IPO8: variants seen among roughly 807,000 people sequenced by gnomAD.
The protein encoded by IPO8 is importin-8.
A neutral mutation model predicts 141.2 loss-of-function variants in IPO8; 65 were observed. That is an observed-to-expected ratio of 0.46 (90% CI 0.38 to 0.57). The LOEUF (loss-of-function observed/expected upper bound fraction) is 0.57, where lower values mean the gene tolerates loss of function less well. IPO8 is among the 20% of genes least tolerant of loss of function. The pLI is 0.00. For missense variants in IPO8, 980 were observed against 1,246.8 expected, an observed-to-expected ratio of 0.79 and a Z score of 3.22; for synonymous variants, 411 against 420.3, an observed-to-expected ratio of 0.98 and a Z score of 0.27.
At chr12:30,654,265 G>A (rs2052767020) in intron 17 of IPO8, among the ~76,000 whole-genome samples, 3 of 150,186 alleles carry the variant, frequency 2.0e-5, no homozygotes, top group East Asian at 3.9e-4. Flanking sequence ...AAAAAACACA[G>A]GGGAAAAGCT....
rs779338956 is a variant in IPO8 at position 30,663,403 on chromosome 12, C to T, written c.1594+86G>A. ...AAACCTCAGAATTCCAAACCCTGAA[C>T]CCTCAGACATGGAGATGCATCTTCA... On this transcript the variant is annotated intron_variant, in intron 14 of 24. Transcript: ENST00000256079. 1,155 of 1,164,080 alleles carry T rather than the reference C, an allele frequency of 9.9e-4. 6 individuals carry two copies. Among genetic ancestry groups the T allele is most frequent in the Middle Eastern group, 5.1e-3 (25 of 4,916 alleles). 72.1% of individuals were successfully genotyped at this position (1,164,080 alleles called of 1,614,324 possible).
At position 30,695,489 on chromosome 12, in the gene IPO8, C is replaced by T; in HGVS notation, c.84+75G>A. ...CGGTGGGGGTGAGGACGAGGGGCGC[C>T]GGGGAGAGGGAGCCCGGCCAGCCGG... On this transcript the variant is annotated intron_variant, in intron 1 of 24. Coordinates refer to ENST00000256079, the MANE Select transcript of IPO8 (RefSeq NM_006390.4). The surrounding 1 kb of genome is among the most constrained non-coding windows in gnomAD (Gnocchi z 4.2). 3.7e-6 allele frequency: 5 copies of T among 1,340,806 alleles called. No homozygotes were observed. Among genetic ancestry groups the T allele is most frequent in the South Asian group, 2.4e-5 (2 of 83,226 alleles). 83.1% of individuals were successfully genotyped at this position (1,340,806 alleles called of 1,614,324 possible). A position where few individuals can be genotyped will look rare whatever the true frequency, so the allele number is the denominator to read the frequency against.
At chr12:30,671,756 C>G (rs886532479) in intron 8 of IPO8, among the ~76,000 whole-genome samples, 1 of 146,908 alleles carries the variant, frequency 6.8e-6, no homozygotes, top group Admixed American at 6.8e-5. Flanking sequence ...CAACAAGAGA[C>G]AGCACAAAGA....
chr12:30,695,802 ACT>A lies in IPO8; in HGVS notation c.-157_-156del. 1 of 551,784 alleles carries A rather than the reference ACT, an allele frequency of 1.8e-6. No homozygotes were observed. 34.2% of individuals were successfully genotyped at this position (551,784 alleles called of 1,614,324 possible). Reference sequence around the variant, plus strand: ...GCCACCTGCGGCCACTTGCTGCGCCACTCTGACTCCGCGCCCCCTGTCCTCCC... The same window carrying A: ...GCCACCTGCGGCCACTTGCTGCGCCACTGACTCCGCGCCCCCTGTCCTCCC... On this transcript the variant is annotated 5_prime_UTR_variant, in exon 1 of 25. An upstream open reading frame in the 5' UTR loses its in-frame stop. Transcript: ENST00000256079. This position sits in a 1 kb window ranked among gnomAD's most constrained non-coding sequence, Gnocchi z 4.2.
At chr12:30,676,959 T>G (rs2053129216) in intron 5 of IPO8, 1 of 1,532,362 alleles carries the variant, frequency 6.5e-7, no homozygotes, top group Admixed American at 2.0e-5. Flanking sequence ...CATTAAACAC[T>G]CATGAAACAT....
At chr12:30,667,483 A>T (rs2052983343) in intron 10 of IPO8, among the ~76,000 whole-genome samples, 2 of 152,256 alleles carry the variant, frequency 1.3e-5, no homozygotes, top group South Asian at 4.1e-4. Flanking sequence ...CATTATTATT[A>T]ATCAGTCAAT....
Position 30,675,808 on chromosome 12 carries a change from C to CA in IPO8, c.729+689dup, listed in dbSNP as rs566018560. 2.4e-3 allele frequency among the ~76,000 whole-genome samples: 355 copies of CA among 147,150 alleles called. 2 individuals carry two copies. Among genetic ancestry groups the CA allele is most frequent in the African/African-American group, 7.9e-3 (313 of 39,612 alleles). On this transcript the variant is annotated intron_variant, in intron 6 of 24. Coordinates refer to ENST00000256079, the MANE Select transcript of IPO8 (RefSeq NM_006390.4). ...GCAGTGAGCCAAGATCATGCCACTG[C>CA]ACTCCAGCCTGGGTGACAGAAGGAG...
At position 30,653,011 on chromosome 12, in the gene IPO8, A is replaced by ATACC; in HGVS notation, c.2026_2029dup (p.Ile677ArgfsTer5). 6.2e-7 allele frequency: 1 copy of ATACC among 1,612,074 alleles called. No individual in the cohort carries two copies. On this transcript the variant is annotated frameshift_variant, in exon 18 of 25. Coordinates refer to ENST00000256079, the MANE Select transcript of IPO8 (RefSeq NM_006390.4). LOFTEE classifies it high-confidence loss of function. Reference sequence around the variant, plus strand: ...ATCCTGCTGAAACACTTCATATAGTATACCTAGAAGCTGCCACATTTGAGG... The same window carrying ATACC: ...ATCCTGCTGAAACACTTCATATAGTATACCTACCTAGAAGCTGCCACATTTGAGG...
chr12:30,659,864 A>C (rs12231670), intron 16 of IPO8, among the ~76,000 whole-genome samples: 1,483 of 146,720 alleles, frequency 0.01, 34 homozygotes, highest in East Asian at 0.082. Flanking sequence ...CAAAACAAAA[A>C]AAAAAAAAAC....
intron 5 of IPO8, chr12:30,677,118 T>C (rs2136166374): frequency 1.4e-6 from 2 of 1,481,372 alleles, no homozygotes; most frequent in Middle Eastern, 1.7e-4. Context: ...TGCTACATGC[T>C]ACAGACATAA....
intron 16 of IPO8, among the ~76,000 whole-genome samples, chr12:30,660,150 A>G (rs1025350679): frequency 1.3e-5 from 2 of 151,486 alleles, no homozygotes; most frequent in Non-Finnish European, 2.9e-5. Context: ...TTGAACCCGG[A>G]AGGTGGAGGT....
At chr12:30,681,940 G>T in intron 3 of IPO8, 123 bp from the exon 4 acceptor site, 2 of 712,124 alleles carry the variant, frequency 2.8e-6, no homozygotes, top group Non-Finnish European at 4.3e-6. Flanking sequence ...ACTTACATAT[G>T]TGGGGTAGGG....
intron 17 of IPO8, among the ~76,000 whole-genome samples, chr12:30,656,214 T>C (rs2052797913): frequency 6.6e-6 from 1 of 152,174 alleles, no homozygotes; most frequent in African/African-American, 2.4e-5. Flanking sequence ...TTTTTTTTAT[T>C]TTTTGTAGAG....
At chr12:30,649,077 A>G in intron 20 of IPO8, 60 bp downstream of exon 20, 1 of 1,054,990 alleles carries the variant, frequency 9.5e-7, no homozygotes, top group South Asian at 1.4e-5. Flanking sequence ...TGAAAAGTCA[A>G]GCAGGCATGT....
intron 10 of IPO8, 40 bp from the exon 11 acceptor site, chr12:30,666,291 T>C (rs2052964747): frequency 7.2e-7 from 1 of 1,395,302 alleles, no homozygotes; most frequent in Non-Finnish European, 9.9e-7. Flanking sequence ...AGTGAAAATA[T>C]AATTACTTAT....
At chr12:30,644,093 G>A (rs970801160) in intron 20 of IPO8, among the ~76,000 whole-genome samples, 1 of 152,204 alleles carries the variant, frequency 6.6e-6, no homozygotes, top group African/African-American at 2.4e-5. Context: ...GTTGGGGACA[G>A]GTGGTAGTTC....
intron 7 of IPO8, 87 bp downstream of exon 7, chr12:30,674,572 G>A: frequency 1.0e-6 from 1 of 957,952 alleles, no homozygotes; most frequent in South Asian, 1.3e-5. Context: ...AGTGACTCTT[G>A]GCTCTCGGTG....
intron 1 of IPO8, 31 bp from the exon 2 acceptor site, chr12:30,690,608 A>T (rs1226433138): frequency 8.0e-7 from 1 of 1,242,560 alleles, no homozygotes; most frequent in African/African-American, 1.5e-5. Flanking sequence ...TTTATAAAAT[A>T]GGGCAATATA....
intron 1 of IPO8, among the ~76,000 whole-genome samples, chr12:30,692,889 T>C (rs2053304312): frequency 6.6e-6 from 1 of 152,182 alleles, no homozygotes; most frequent in African/African-American, 2.4e-5. Flanking sequence ...GGCTTTACTC[T>C]CCACAGCACT....
Sources: allele counts gnomAD v4.1 joint callset (sites outside exome capture counted in the v4.1 genomes callset), GRCh38; gene constraint gnomAD v4.1.1; non-coding constraint Gnocchi (gnomAD v3.1); transcripts MANE v1.5; gene names NCBI Gene and HGNC (gene_info 2026-07-23, HGNC 2026-07-21).